Variants in TRIO observed in about 807,000 individuals in gnomAD.
The protein encoded by TRIO is trio Rho guanine nucleotide exchange factor, also known as triple functional domain protein.
A neutral mutation model predicts 351.9 loss-of-function variants in TRIO; 58 were observed. That is an observed-to-expected ratio of 0.16 (90% confidence interval 0.13 to 0.21). The LOEUF is 0.21. Ranked by LOEUF, TRIO falls within the 10% of genes least tolerant of loss-of-function variation. The pLI is 1.00. For missense variants in TRIO, 3,201 were observed against 4,027.8 expected (o/e 0.79, Z 5.56); for synonymous variants, 1,758 against 1,595.7 (o/e 1.10, Z -2.42).
intron 1 of TRIO, among the ~76,000 whole-genome samples, chr5:14,241,501 G>C (rs1359927237): frequency 6.6e-6 from 1 of 152,168 alleles, no homozygotes; most frequent in African/African-American, 2.4e-5. Flanking sequence ...TAAGCTGTTG[G>C]TTTCTGCTTA....
At position 14,510,181 on chromosome 5, in the gene TRIO, A is replaced by T. The variant is rs1579875162; in HGVS notation, c.*1759A>T. On this transcript the variant is annotated 3_prime_UTR_variant, in exon 57 of 57. Transcript: ENST00000344204. ...ATTTTATTTTGCCATCAGTTATTTT[A>T]AAAAATTAAACATATTTGCCTGATT... 6.6e-6 allele frequency: 1 copy of T among 152,230 alleles called. No individual in the cohort carries two copies. Among genetic ancestry groups the T allele is most frequent in the Non-Finnish European group, 1.5e-5 (1 of 68,048 alleles). 9.4% of individuals were successfully genotyped at this position (152,230 alleles called of 1,614,324 possible).
At chr5:14,361,253 G>A (rs576226156) in intron 13 of TRIO, among the ~76,000 whole-genome samples, 209 of 151,964 alleles carry the variant, frequency 1.4e-3, no homozygotes, top group Non-Finnish European at 1.9e-3. Context: ...TGTATTTATC[G>A]TAAGTATATG....
rs746758470 is a variant in TRIO, at chr5:14,498,560, C to T, written c.8252C>T (p.Thr2751Met). The part of the protein sequence containing the change: ...EATLKIVGVT[T>M]EDDGIYTCIA... ...ACGCTGAAGATTGTGGGCGTGACCA[C>T]GGAAGATGACGGCATCTACACGTGC... Residue 2751 changes from threonine to methionine, a missense_variant, in exon 53 of 57, where the codon ACG becomes ATG. By Grantham distance (81) the Thr-to-Met change is moderately conservative (BLOSUM62 -1). Coordinates refer to ENST00000344204, the MANE Select transcript of TRIO (RefSeq NM_007118.4). 6 of 1,614,044 alleles carry T rather than the reference C, an allele frequency of 3.7e-6. No homozygotes were observed. The highest frequency in any genetic ancestry group is 4.5e-5 in the East Asian group (2 of 44,884).
intron 3 of TRIO, among the ~76,000 whole-genome samples, chr5:14,285,353 C>T (rs1009848097): frequency 2.0e-5 from 3 of 151,998 alleles, no homozygotes; most frequent in South Asian, 2.1e-4. Context: ...CTGTGAGCCG[C>T]CTTCTGATTG....
Position 14,399,162 on chromosome 5 carries a change from A to T in TRIO, c.4614+92A>T, listed in dbSNP as rs766915442. 5.0e-6 allele frequency: 6 copies of T among 1,212,040 alleles called. No homozygotes were observed. The South Asian group carries it at 7.5e-5, about 15-fold the overall frequency. 75.1% of individuals were successfully genotyped at this position (1,212,040 alleles called of 1,614,324 possible). A position where few individuals can be genotyped will look rare whatever the true frequency, so the allele number is the denominator to read the frequency against. On this transcript the variant is annotated intron_variant, in intron 30 of 56. Coordinates refer to ENST00000344204, the MANE Select transcript of TRIO (RefSeq NM_007118.4). ...AAGAATTGTTCATTGTCTTCAGTTTAACCTCCCAATCTGTCCTGAAATGTT... is the reference window on the plus strand; with the variant it reads ...AAGAATTGTTCATTGTCTTCAGTTTTACCTCCCAATCTGTCCTGAAATGTT...
intron 17 of TRIO, 150 bp downstream of exon 17, chr5:14,369,049 T>G: frequency 1.0e-6 from 1 of 984,664 alleles, no homozygotes; most frequent in South Asian, 1.7e-5. Context: ...GAGTTAAAAT[T>G]ATTCCTGTGT....
chr5:14,473,404 C>A (rs1039132930), intron 39 of TRIO, among the ~76,000 whole-genome samples: 2 of 152,176 alleles, frequency 1.3e-5, no homozygotes, highest in African/African-American at 4.8e-5. Context: ...AATTGCATAA[C>A]ACAAAAGATT....
chr5:14,251,967 C>CT (rs55999808), intron 1 of TRIO, among the ~76,000 whole-genome samples: 48,358 of 113,750 alleles, frequency 0.43, 9,043 homozygotes, highest in African/African-American at 0.59. Context: ...AAAGAGGCAA[C>CT]TTAAAAAAAA....
At chr5:14,253,318 T>C (rs1292782294) in intron 1 of TRIO, among the ~76,000 whole-genome samples, 1 of 152,208 alleles carries the variant, frequency 6.6e-6, no homozygotes, top group African/African-American at 2.4e-5. Flanking sequence ...TAATTTAGGA[T>C]TGAAGGTATG....
At chr5:14,353,525 G>C (rs1743329860) in intron 11 of TRIO, among the ~76,000 whole-genome samples, 1 of 152,064 alleles carries the variant, frequency 6.6e-6, no homozygotes, top group African/African-American at 2.4e-5. Flanking sequence ...CGACCTCTGA[G>C]TGCTGGGAAA....
intron 46 of TRIO, among the ~76,000 whole-genome samples, chr5:14,483,267 C>T (rs1000918729): frequency 2.6e-4 from 39 of 152,294 alleles, no homozygotes; most frequent in Non-Finnish European, 2.5e-4. Context: ...GACAGAGGGA[C>T]AAAGAAAATA....
At chr5:14,300,791 G>C (rs962538326) in intron 7 of TRIO, among the ~76,000 whole-genome samples, 1 of 152,152 alleles carries the variant, frequency 6.6e-6, no homozygotes, top group African/African-American at 2.4e-5. Context: ...TTCAGTTCCT[G>C]ACATAATAAC....
At chr5:14,396,328 A>T (rs545129531) in intron 28 of TRIO, among the ~76,000 whole-genome samples, 1 of 152,104 alleles carries the variant, frequency 6.6e-6, no homozygotes, top group African/African-American at 2.4e-5. Context: ...CATAGCTCCA[A>T]GGTGCAGAGT....
chr5:14,437,814 C>G (rs139402226), intron 34 of TRIO, among the ~76,000 whole-genome samples: 4,308 of 152,150 alleles, frequency 0.028, 85 homozygotes, highest in South Asian at 0.046. Context: ...CACAGTTCAG[C>G]CCGTAATCCC....
At chr5:14,375,244 A>T (rs1044180168) in intron 19 of TRIO, among the ~76,000 whole-genome samples, 1 of 152,210 alleles carries the variant, frequency 6.6e-6, no homozygotes, top group Non-Finnish European at 1.5e-5. Context: ...TTCTGCATGA[A>T]TAAGTCTTCT....
chr5:14,277,778 T>C (rs1434910684), intron 2 of TRIO, among the ~76,000 whole-genome samples: 4 of 152,214 alleles, frequency 2.6e-5, no homozygotes, highest in Non-Finnish European at 5.9e-5. Flanking sequence ...GTAGTTGATT[T>C]TAAGCTCCTT....
intron 5 of TRIO, 147 bp downstream of exon 5, chr5:14,291,375 G>A (rs748647199): frequency 3.3e-6 from 3 of 907,600 alleles, no homozygotes; most frequent in Non-Finnish European, 4.8e-6. Context: ...TTCAGAAATG[G>A]CACTGAAATC....
intron 21 of TRIO, among the ~76,000 whole-genome samples, chr5:14,385,316 G>A (rs903834910): frequency 4.6e-5 from 7 of 152,202 alleles, no homozygotes; most frequent in East Asian, 1.9e-4. Flanking sequence ...CATTGTTGCC[G>A]TGGTAGACGG....
chr5:14,360,511 G>A (rs1334850981), intron 13 of TRIO, among the ~76,000 whole-genome samples: 1 of 152,202 alleles, frequency 6.6e-6, no homozygotes, highest in Non-Finnish European at 1.5e-5. Flanking sequence ...CTCTGTGATG[G>A]ACACCTGTAG....
Sources: gnomAD v4.1 joint callset for allele counts (sites outside exome capture counted in the v4.1 genomes callset) on GRCh38, gnomAD v4.1.1 for gene constraint, MANE v1.5 for transcripts, NCBI Gene and HGNC (gene_info 2026-07-23, HGNC 2026-07-21) for gene names.